STPG1: variants seen among roughly 807,000 people sequenced by gnomAD.
The protein encoded by STPG1 is sperm tail PG-rich repeat containing 1.
Under a neutral mutation model 40.1 loss-of-function variants are expected in STPG1, and 33 were observed. The observed-to-expected ratio is 0.82, with a 90% CI of 0.62 to 1.10. STPG1 has a LOEUF of 1.10. Ranked by LOEUF, STPG1 falls within the 50% of genes least tolerant of loss-of-function variation. The probability of loss-of-function intolerance (pLI) is 0.00; values close to 1 mark genes in which losing one functional copy is unlikely to be tolerated. For synonymous variants in STPG1, 150 were observed against 155.0 expected, an observed-to-expected ratio of 0.97 and a Z score of 0.24; for missense variants, 396 against 415.1, an observed-to-expected ratio of 0.95 and a Z score of 0.40.
At chr1:24,361,950 C>T (rs1280486809) in intron 7 of STPG1, among the ~76,000 whole-genome samples, 2 of 152,156 alleles carry the variant, frequency 1.3e-5, no homozygotes, top group African/African-American at 2.4e-5. Flanking sequence ...GAGACTTCTG[C>T]GCTTGTTACA....
At chr1:24,381,203 C>G (rs1642268524) in intron 4 of STPG1, among the ~76,000 whole-genome samples, 3 of 152,194 alleles carry the variant, frequency 2.0e-5, no homozygotes, top group Admixed American at 1.3e-4. Context: ...CGACATGGCT[C>G]TGGGATAACA....
chr1:24,366,798 C>A (rs1047189554), intron 7 of STPG1, among the ~76,000 whole-genome samples: 1 of 152,140 alleles, frequency 6.6e-6, no homozygotes, highest in Non-Finnish European at 1.5e-5. Context: ...ACCACAGAGC[C>A]AGCTATACAA....
chr1:24,367,147 C>T (rs1156583179), intron 7 of STPG1, among the ~76,000 whole-genome samples: 1 of 152,196 alleles, frequency 6.6e-6, no homozygotes, highest in Middle Eastern at 3.2e-3. Flanking sequence ...GCTGCAGGCT[C>T]CTCCACCTGG....
At chr1:24,405,810 C>CTA (rs59976838) in intron 1 of STPG1, among the ~76,000 whole-genome samples, 44,222 of 151,798 alleles carry the variant, frequency 0.29, 6,643 homozygotes, top group East Asian at 0.46. Context: ...GTTCTGAAGT[C>CTA]TTATTTTTTC....
intron 7 of STPG1, among the ~76,000 whole-genome samples, chr1:24,367,706 G>T (rs1002490719): frequency 6.6e-6 from 1 of 152,098 alleles, no homozygotes; most frequent in Non-Finnish European, 1.5e-5. Flanking sequence ...TAGAGATGGG[G>T]TTTTGCCATG....
chr1:24,395,937 T>C lies in STPG1; in HGVS notation c.71-4258A>G, dbSNP rs537646069. Among the ~76,000 whole-genome samples, 12 of 150,580 alleles carry C rather than the reference T, an allele frequency of 8.0e-5. No individual in the cohort carries two copies. In the East Asian group the frequency reaches 2.4e-3, roughly 30 times the overall value. Reference sequence around the variant, plus strand: ...GGTGTAGGTTACAGTGAGCCAAGACTGCGCCACTGCACCCCAGCCTGAGCG... The same window carrying C: ...GGTGTAGGTTACAGTGAGCCAAGACCGCGCCACTGCACCCCAGCCTGAGCG... On this transcript the variant is annotated intron_variant, in intron 2 of 8. Coordinates refer to ENST00000337248, the MANE Select transcript of STPG1 (RefSeq NM_001199013.2).
intron 1 of STPG1, among the ~76,000 whole-genome samples, chr1:24,410,297 T>C (rs889549724): frequency 1.3e-5 from 2 of 152,028 alleles, no homozygotes; most frequent in African/African-American, 4.8e-5. Context: ...TATGATAAAT[T>C]ACAAAAAAAC....
intron 6 of STPG1, among the ~76,000 whole-genome samples, chr1:24,371,624 T>A (rs1043142413): frequency 6.6e-6 from 1 of 151,912 alleles, no homozygotes; most frequent in East Asian, 1.9e-4. Flanking sequence ...CAGTATATGC[T>A]TAAATTTTTA....
Position 24,390,425 on chromosome 1 carries a change from G to A in STPG1, c.189+1136C>T, listed in dbSNP as rs1642715543. ...TATGATAACACATTGTTGTTGTGGT[G>A]GTGGTGATTTTGAGATGGAGTCTCA... On this transcript the variant is annotated intron_variant, in intron 3 of 8. Coordinates refer to ENST00000337248, the MANE Select transcript of STPG1 (RefSeq NM_001199013.2). Among the ~76,000 whole-genome samples the A allele has an allele frequency of 3.9e-5, 6 of 152,246 alleles. No homozygotes were observed. The South Asian group carries it at 1.0e-3, about 26-fold the overall frequency.
At position 24,358,160 on chromosome 1, in the gene STPG1, G is replaced by T. The variant is rs1391269705; in HGVS notation, c.*383C>A. On this transcript the variant is annotated 3_prime_UTR_variant, in exon 9 of 9. Transcript: ENST00000337248. ...AAACAGGGAAGGGTGGGGCTTCCAG[G>T]CTTGGCCACCTTCAGGGTGGACTGA... 1 of 485,388 alleles carries T rather than the reference G, an allele frequency of 2.1e-6. No individual in the cohort carries two copies. Among genetic ancestry groups the T allele is most frequent in the African/African-American group, 1.9e-5 (1 of 51,480 alleles). The allele number at this position is 485,388 out of a possible 1,614,324, so 30.1% of individuals were successfully genotyped here. A position where few individuals can be genotyped will look rare whatever the true frequency, so the allele number is the denominator to read the frequency against.
intron 7 of STPG1, among the ~76,000 whole-genome samples, chr1:24,367,991 C>T (rs1641555052): frequency 6.6e-6 from 1 of 152,202 alleles, no homozygotes; most frequent in Admixed American, 6.5e-5. Flanking sequence ...CTCTTGACCA[C>T]TCTTTCTCTG....
rs1382251692 is a variant in STPG1 at position 24,413,723 on chromosome 1, T to C, written c.-118A>G. ...CTGGCCAGCCCAACCTCCCGGTCGC[T>C]ATGGCACCCACAGGCCTAACATTCG... is the stretch of plus-strand genomic sequence containing the variant. On this transcript the variant is annotated 5_prime_UTR_variant, in exon 1 of 9. In the 5' UTR this introduces an upstream ATG that the reference lacks. Transcript: ENST00000337248. 1 of 152,252 alleles carries C rather than the reference T, an allele frequency of 6.6e-6. No homozygotes were observed. Among genetic ancestry groups the C allele is most frequent in the Non-Finnish European group, 1.5e-5 (1 of 68,068 alleles). 9.4% of individuals were successfully genotyped at this position (152,252 alleles called of 1,614,324 possible). A position where few individuals can be genotyped will look rare whatever the true frequency, so the allele number is the denominator to read the frequency against.
Position 24,401,315 on chromosome 1 carries a change from G to T in STPG1, c.70+4C>A. The T allele has an allele frequency of 1.9e-6, 3 of 1,613,784 alleles. No individual in the cohort carries two copies. The highest frequency in any genetic ancestry group is 2.5e-6 in the Non-Finnish European group (3 of 1,179,734). On this transcript the variant is annotated splice_donor_region_variant and intron_variant, in intron 2 of 8. Transcript: ENST00000337248. The stretch of plus-strand genomic sequence containing the variant: ...CTATCTCCTCCCTGCAAAGACACAT[G>T]TACCTTTCTGTACTTCACTGGCACG...
At chr1:24,374,244 GTTTTTTTTTTTTGTTTT>G (rs1409661461) in intron 5 of STPG1, among the ~76,000 whole-genome samples, 9 of 93,244 alleles carry the variant, frequency 9.7e-5, no homozygotes, top group Non-Finnish European at 1.4e-4. Flanking sequence ...CTAGGAAAGT[GTTTTTTTTTTTTGTTTT>G]TTTTTTTTTT....
In STPG1 at chr1:24,402,688, C is replaced by G. The variant is rs181956117; in HGVS notation, c.-68-1232G>C. Among the ~76,000 whole-genome samples, 297 of 150,826 alleles carry G rather than the reference C, an allele frequency of 2.0e-3. 1 individual carries two copies. Among genetic ancestry groups the G allele is most frequent in the South Asian group, 0.017 (82 of 4,756 alleles). On this transcript the variant is annotated intron_variant, in intron 1 of 8. Transcript: ENST00000337248. The stretch of plus-strand genomic sequence containing the variant: ...TTAAGCCCAGGAGATCAAGGCTGCA[C>G]TGAGCCATGACAGCACCACTGCACT...
chr1:24,389,470 AAC>A (rs1642664099), intron 3 of STPG1, among the ~76,000 whole-genome samples: 3 of 152,186 alleles, frequency 2.0e-5, no homozygotes, highest in African/African-American at 7.2e-5. Flanking sequence ...TAATTCTTTC[AAC>A]ATTGATTCAG....
At position 24,391,616 on chromosome 1, in the gene STPG1, G is replaced by A. The variant is rs760457476; in HGVS notation, c.134C>T (p.Pro45Leu). 7.6e-5 allele frequency: 118 copies of A among 1,549,440 alleles called. No individual in the cohort carries two copies. The South Asian group carries it at 1.3e-3, about 17-fold the overall frequency. The change falls in exon 3 of 9, where the codon CCA becomes CTA. Residue 45 changes from proline (P) to leucine (L), a missense_variant. Transcript: ENST00000337248. ...IPFKSQASVI[P>L]ESEKKGFNSQ... ...ATTGAATCCTTTTTTTTCTGATTCTGGGATTACTGAAGCTTGAGATTTAAA... is the reference window on the plus strand; with the variant it reads ...ATTGAATCCTTTTTTTTCTGATTCTAGGATTACTGAAGCTTGAGATTTAAA...
At chr1:24,362,815 G>A (rs946012346) in intron 7 of STPG1, among the ~76,000 whole-genome samples, 5 of 152,208 alleles carry the variant, frequency 3.3e-5, no homozygotes, top group Admixed American at 1.3e-4. Flanking sequence ...AGCAGCTGGC[G>A]TGGATGCTTA....
chr1:24,412,992 A>G lies in STPG1; in HGVS notation c.-69+682T>C, dbSNP rs529031147. ...TACAGGGTATATAAACATGTACTAAACTATGTATACTGTTACTTTAGATAG... is the reference window on the plus strand; with the variant it reads ...TACAGGGTATATAAACATGTACTAAGCTATGTATACTGTTACTTTAGATAG... On this transcript the variant is annotated intron_variant, in intron 1 of 8. Coordinates refer to ENST00000337248, the MANE Select transcript of STPG1 (RefSeq NM_001199013.2). Among the ~76,000 whole-genome samples the G allele has an allele frequency of 1.6e-4, 25 of 152,374 alleles. No individual in the cohort carries two copies. In the East Asian group the frequency reaches 2.1e-3, roughly 13 times the overall value.
Sources: gnomAD v4.1 joint callset for allele counts (sites outside exome capture counted in the v4.1 genomes callset) on GRCh38, gnomAD v4.1.1 for gene constraint, MANE v1.5 for transcripts, NCBI Gene and HGNC (gene_info 2026-07-23, HGNC 2026-07-21) for gene names.